The following DISC1 variants were observed in gnomAD, a reference collection of about 807,000 sequenced individuals.
The protein encoded by DISC1 is disrupted in schizophrenia 1 protein.
Under a neutral mutation model 84.5 loss-of-function variants are expected in DISC1, and 57 were observed. The observed-to-expected ratio is 0.67, with a 90% CI of 0.55 to 0.84. DISC1 has a LOEUF of 0.84. Among genes scored for constraint, DISC1 ranks in the 40% least tolerant of loss-of-function variants. The probability of loss-of-function intolerance (pLI) is 0.00; values close to 1 mark genes in which losing one functional copy is unlikely to be tolerated. For synonymous variants in DISC1, 411 were observed against 415.2 expected, an observed-to-expected ratio of 0.99 and a Z score of 0.12; for missense variants, 1,000 against 1,057.8, an observed-to-expected ratio of 0.95 and a Z score of 0.76.
rs1317750071 is a variant in DISC1 at position 231,698,554 on chromosome 1, G to A, written c.1048-3401G>A. ...CACAGTGCAAGACATGGCCACTGGGGCTGTGCCTCCAGCAAAGACGGGTAT... is the reference window on the plus strand; with the variant it reads ...CACAGTGCAAGACATGGCCACTGGGACTGTGCCTCCAGCAAAGACGGGTAT... On this transcript the variant is annotated intron_variant, in intron 2 of 12. Transcript: ENST00000439617. The surrounding 1 kb of genome is among the most constrained non-coding windows in gnomAD (Gnocchi z 4.9). Among the ~76,000 whole-genome samples, 1 of 152,190 alleles carries A rather than the reference G, an allele frequency of 6.6e-6. No individual in the cohort carries two copies. Among genetic ancestry groups the A allele is most frequent in the East Asian group, 1.9e-4 (1 of 5,188 alleles).
intron 1 of DISC1, among the ~76,000 whole-genome samples, chr1:231,660,278 A>G (rs1172509954): frequency 2.0e-5 from 3 of 152,056 alleles, no homozygotes; most frequent in Non-Finnish European, 4.4e-5. Context: ...GTTTTGTCAG[A>G]AATTAGGATT....
chr1:231,886,619 G>C, intron 9 of DISC1, among the ~76,000 whole-genome samples: 1 of 152,098 alleles, frequency 6.6e-6, no homozygotes, highest in Non-Finnish European at 1.5e-5. Flanking sequence ...TTGTCCCTTG[G>C]TGGTAAGTTT....
intron 9 of DISC1, among the ~76,000 whole-genome samples, chr1:231,858,039 A>T (rs2084388669): frequency 6.6e-6 from 1 of 152,232 alleles, no homozygotes; most frequent in Non-Finnish European, 1.5e-5. Flanking sequence ...TTGCCGGGCT[A>T]AACACAATTG....
chr1:231,967,952 G>T (rs942659722), intron 10 of DISC1, among the ~76,000 whole-genome samples: 5 of 152,158 alleles, frequency 3.3e-5, no homozygotes, highest in African/African-American at 1.2e-4. Context: ...ACACTTTGAT[G>T]GGGATTAGAC....
intron 6 of DISC1, among the ~76,000 whole-genome samples, chr1:231,778,340 GT>G (rs1365758817): frequency 2.0e-5 from 3 of 152,190 alleles, no homozygotes; most frequent in Admixed American, 6.5e-5. Flanking sequence ...GTCTTTTCTG[GT>G]TCTACAATAC....
At chr1:232,002,057 GA>G (rs2102968062) in intron 10 of DISC1, among the ~76,000 whole-genome samples, 1 of 152,246 alleles carries the variant, frequency 6.6e-6, no homozygotes, top group East Asian at 1.9e-4. Flanking sequence ...GAGTAGAAAA[GA>G]AGCAAAAGAC....
chr1:231,985,485 G>A (rs772077805), intron 10 of DISC1, among the ~76,000 whole-genome samples: 16 of 152,308 alleles, frequency 1.1e-4, no homozygotes, highest in Admixed American at 1.0e-3. Context: ...GCAGGATGAG[G>A]AGTATTGAAA....
At chr1:231,949,026 C>T (rs199648943) in intron 9 of DISC1, among the ~76,000 whole-genome samples, 2 of 151,898 alleles carry the variant, frequency 1.3e-5, no homozygotes, top group African/African-American at 2.4e-5. Flanking sequence ...CGTGCCACCA[C>T]GCCCAGCTAA....
intron 1 of DISC1, among the ~76,000 whole-genome samples, chr1:231,691,896 C>T (rs900165557): frequency 1.3e-4 from 20 of 152,206 alleles, no homozygotes; most frequent in African/African-American, 2.4e-4. Context: ...CCTCGGATGA[C>T]GGATTCCTTC....
chr1:231,795,319 T>G, intron 7 of DISC1, 23 bp downstream of exon 7: 1 of 1,603,842 alleles, frequency 6.2e-7, no homozygotes, highest in Middle Eastern at 1.7e-4. Flanking sequence ...ATATTCCCAT[T>G]TTCCAAAGAA....
intron 1 of DISC1, among the ~76,000 whole-genome samples, chr1:231,686,049 G>T (rs991912502): frequency 6.6e-6 from 1 of 152,224 alleles, no homozygotes; most frequent in Non-Finnish European, 1.5e-5. Context: ...GGTTCCCATG[G>T]TCTGGGGCAG....
chr1:231,653,152 T>C (rs1252986487), intron 1 of DISC1, among the ~76,000 whole-genome samples: 4 of 152,254 alleles, frequency 2.6e-5, no homozygotes, highest in African/African-American at 9.6e-5. Context: ...ATGTTCATAG[T>C]TGTTGACCTT....
chr1:231,702,265 T>C (rs1395052993), intron 3 of DISC1: 19 of 1,197,476 alleles, frequency 1.6e-5, no homozygotes, highest in Non-Finnish European at 1.9e-5. Flanking sequence ...ACACTTAGCA[T>C]ACTCACACAA....
intron 3 of DISC1, among the ~76,000 whole-genome samples, chr1:231,735,157 T>A (rs1418288423): frequency 6.6e-6 from 1 of 152,238 alleles, no homozygotes; most frequent in African/African-American, 2.4e-5. Context: ...AAACTCTTAG[T>A]TCTTCCCAGG....
intron 1 of DISC1, among the ~76,000 whole-genome samples, chr1:231,659,975 A>T (rs1025821273): frequency 2.6e-5 from 4 of 152,196 alleles, no homozygotes; most frequent in African/African-American, 9.7e-5. Context: ...AATTCTGTAG[A>T]TATCTATCAG....
intron 9 of DISC1, among the ~76,000 whole-genome samples, chr1:231,842,309 C>A (rs2125866367): frequency 6.6e-6 from 1 of 152,302 alleles, no homozygotes; most frequent in Non-Finnish European, 1.5e-5. Flanking sequence ...TTGCGCCCAG[C>A]CTTTTCGAGG....
intron 9 of DISC1, among the ~76,000 whole-genome samples, chr1:231,881,163 T>C (rs1358822274): frequency 6.6e-6 from 1 of 152,220 alleles, no homozygotes; most frequent in East Asian, 1.9e-4. Flanking sequence ...GATACCTTGT[T>C]CTCTGCTGCA....
intron 9 of DISC1, among the ~76,000 whole-genome samples, chr1:231,879,685 T>G (rs996999655): frequency 1.3e-5 from 2 of 150,812 alleles, no homozygotes; most frequent in African/African-American, 4.9e-5. Flanking sequence ...GGGGGCATGG[T>G]GGGCAGGAGA....
At chr1:231,975,105 C>T (rs528685374) in intron 10 of DISC1, among the ~76,000 whole-genome samples, 42 of 151,488 alleles carry the variant, frequency 2.8e-4, no homozygotes, top group African/African-American at 1.0e-3. Flanking sequence ...TTTCAAAAGA[C>T]AACAAAACAA....
Sources: allele counts gnomAD v4.1 joint callset (sites outside exome capture counted in the v4.1 genomes callset), GRCh38; gene constraint gnomAD v4.1.1; non-coding constraint Gnocchi (gnomAD v3.1); transcripts MANE v1.5; gene names NCBI Gene and HGNC (gene_info 2026-07-23, HGNC 2026-07-21).